AGO2: variants seen among roughly 807,000 people sequenced by gnomAD.
The protein encoded by AGO2 is protein argonaute-2.
A neutral mutation model predicts 102.3 loss-of-function variants in AGO2; 5 were observed. The observed-to-expected ratio is 0.05, with a 90% CI of 0.03 to 0.10. The LOEUF (loss-of-function observed/expected upper bound fraction) is 0.10. AGO2 is among the 10% of genes least tolerant of loss of function. The probability of loss-of-function intolerance (pLI) is 1.00; values close to 1 mark genes in which losing one functional copy is unlikely to be tolerated. For synonymous variants in AGO2, 449 were observed against 473.1 expected, an observed-to-expected ratio of 0.95 and a Z score of 0.66; for missense variants, 541 against 1,183.7, an observed-to-expected ratio of 0.46 and a Z score of 7.97.
chr8:140,621,343 A>T (rs2152107430), intron 1 of AGO2, among the ~76,000 whole-genome samples: 1 of 152,202 alleles, frequency 6.6e-6, no homozygotes, highest in South Asian at 2.1e-4. Flanking sequence ...TGCACTGGAG[A>T]CACCTGCCAT....
intron 13 of AGO2, among the ~76,000 whole-genome samples, chr8:140,546,907 C>T (rs953161233): frequency 6.6e-6 from 1 of 152,162 alleles, no homozygotes; most frequent in South Asian, 2.1e-4. Context: ...TCAGGAGGTG[C>T]CAGAGGAGGG....
At position 140,523,225 on chromosome 8, in the gene AGO2, G is replaced by C. The variant is rs1038533750; in HGVS notation, c.*8819C>G. ...ATACATAGAGTACCACCTGAAACGA[G>C]GCCCTTGGAGCTGCTCAGCTTCTTA... is the stretch of plus-strand genomic sequence containing the variant. On this transcript the variant is annotated 3_prime_UTR_variant, in exon 19 of 19. Coordinates refer to ENST00000220592, the MANE Select transcript of AGO2 (RefSeq NM_012154.5). The C allele has an allele frequency of 1.3e-5, 2 of 152,098 alleles. No individual in the cohort carries two copies. Among genetic ancestry groups the C allele is most frequent in the African/African-American group, 4.8e-5 (2 of 41,398 alleles). The allele number at this position is 152,098 out of a possible 1,614,324, so 9.4% of individuals were successfully genotyped here.
chr8:140,569,538 T>C (rs916611793), intron 3 of AGO2, among the ~76,000 whole-genome samples: 2 of 152,216 alleles, frequency 1.3e-5, no homozygotes, highest in Non-Finnish European at 2.9e-5. Context: ...AAATTTTCTA[T>C]TCAACTGAGC....
upstream of AGO2, among the ~76,000 whole-genome samples, chr8:140,638,492 C>A (rs1184502791): frequency 6.6e-6 from 1 of 152,158 alleles, no homozygotes; most frequent in East Asian, 1.9e-4. Context: ...CCTTTTTTCA[C>A]GAGGTACCTC....
rs546504120 is a variant in AGO2 at position 140,585,318 on chromosome 8, T to C, written c.23-7A>G. On this transcript the variant is annotated splice_region_variant and splice_polypyrimidine_tract_variant and intron_variant, in intron 1 of 18. Coordinates refer to ENST00000220592, the MANE Select transcript of AGO2 (RefSeq NM_012154.5). ...GGCGCAGGAGGTGCAAGTGCTGGAA[T>C]GGCAGAGAGAACACCCATTAACGGG... is the stretch of plus-strand genomic sequence containing the variant. 4 of 1,613,156 alleles carry C rather than the reference T, an allele frequency of 2.5e-6. No homozygotes were observed. In the South Asian group the frequency reaches 3.3e-5, roughly 13 times the overall value.
rs946212091 is a variant in AGO2, at chr8:140,521,683, C to G, written c.*10361G>C. 1 of 152,288 alleles carries G rather than the reference C, an allele frequency of 6.6e-6. No homozygotes were observed. Among genetic ancestry groups the G allele is most frequent in the Admixed American group, 6.5e-5 (1 of 15,288 alleles). The allele number at this position is 152,288 out of a possible 1,614,324, so 9.4% of individuals were successfully genotyped here. A position where few individuals can be genotyped will look rare whatever the true frequency, so the allele number is the denominator to read the frequency against. ...AACTTACAGGCACACAGGGCCGCTG[C>G]TGAATGCAGGCCTCTGCCTCCACAA... is the stretch of plus-strand genomic sequence containing the variant. On this transcript the variant is annotated 3_prime_UTR_variant, in exon 19 of 19. Coordinates refer to ENST00000220592, the MANE Select transcript of AGO2 (RefSeq NM_012154.5).
rs1241417553 is a variant in AGO2, at chr8:140,524,973, C to A, written c.*7071G>T. The A allele has an allele frequency of 1.3e-5, 2 of 152,226 alleles. No individual in the cohort carries two copies. Among genetic ancestry groups the A allele is most frequent in the Non-Finnish European group, 2.9e-5 (2 of 68,044 alleles). The allele number at this position is 152,226 out of a possible 1,614,324, so 9.4% of individuals were successfully genotyped here. A position where few individuals can be genotyped will look rare whatever the true frequency, so the allele number is the denominator to read the frequency against. On this transcript the variant is annotated 3_prime_UTR_variant, in exon 19 of 19. Transcript: ENST00000220592. ...AAAGAGTTAATATTTGGTGTTTTAG[C>A]TTTAACTCTGAACTACTTAAATCCA... is the stretch of plus-strand genomic sequence containing the variant.
chr8:140,636,004 G>C (rs1433370315), upstream of AGO2, among the ~76,000 whole-genome samples: 1 of 150,614 alleles, frequency 6.6e-6, no homozygotes, highest in East Asian at 2.0e-4. Context: ...GAGGAGCCGG[G>C]CCCCCCGGCT....
intron 1 of AGO2, among the ~76,000 whole-genome samples, chr8:140,603,289 C>T (rs187372401): frequency 6.6e-6 from 1 of 152,338 alleles, no homozygotes; most frequent in African/African-American, 2.4e-5. Context: ...TGCGTGGTGC[C>T]TCCACACCGG....
intron 14 of AGO2, among the ~76,000 whole-genome samples, chr8:140,542,610 C>T (rs2072820171): frequency 6.6e-6 from 1 of 151,024 alleles, no homozygotes; most frequent in African/African-American, 2.4e-5. Flanking sequence ...GCTCCAAAAG[C>T]CCAAGATATA....
chr8:140,584,304 G>A (rs755606404), intron 2 of AGO2, among the ~76,000 whole-genome samples: 1 of 152,062 alleles, frequency 6.6e-6, no homozygotes, highest in African/African-American at 2.4e-5. Flanking sequence ...CTCACCCACC[G>A]AAACACACAA....
At chr8:140,542,837 G>A (rs1327560407) in intron 14 of AGO2, among the ~76,000 whole-genome samples, 3 of 152,184 alleles carry the variant, frequency 2.0e-5, no homozygotes, top group Admixed American at 2.0e-4. Flanking sequence ...CAGAGGAAAG[G>A]GCTGAAAATG....
intron 1 of AGO2, among the ~76,000 whole-genome samples, chr8:140,616,171 C>T (rs1341794230): frequency 2.0e-5 from 3 of 152,182 alleles, no homozygotes; most frequent in African/African-American, 7.2e-5. Flanking sequence ...TCAGGGAACC[C>T]TAACCGCCAT....
chr8:140,582,162 A>T (rs1213749325), intron 2 of AGO2, among the ~76,000 whole-genome samples: 1 of 152,268 alleles, frequency 6.6e-6, no homozygotes, highest in Admixed American at 6.5e-5. Flanking sequence ...ATTGTAAAGA[A>T]CAACAAATTT....
chr8:140,558,137 C>G (rs1243562249), intron 7 of AGO2, among the ~76,000 whole-genome samples: 1 of 152,164 alleles, frequency 6.6e-6, no homozygotes, highest in Non-Finnish European at 1.5e-5. Context: ...GCGGACTGGC[C>G]CAGGGAAGGG....
At chr8:140,633,133 G>A (rs562581947) in intron 1 of AGO2, among the ~76,000 whole-genome samples, 4 of 151,966 alleles carry the variant, frequency 2.6e-5, no homozygotes, top group African/African-American at 7.3e-5. Context: ...GGATGGTCTC[G>A]ATCTCTTGAC....
At chr8:140,579,009 G>C (rs886875042) in intron 2 of AGO2, among the ~76,000 whole-genome samples, 10 of 152,094 alleles carry the variant, frequency 6.6e-5, no homozygotes, top group African/African-American at 2.4e-4. Flanking sequence ...TTCACATAAC[G>C]ATAAAGCTAA....
rs548254374 is a variant in AGO2, at chr8:140,572,947, A to G, written c.216-15T>C. The G allele has an allele frequency of 1.1e-5, 18 of 1,593,572 alleles. No individual in the cohort carries two copies. The highest frequency in any genetic ancestry group is 6.7e-5 in the East Asian group (3 of 44,534). ...CCACGATTTCCCTGAAACAAAGACA[A>G]AAGTCGGGCAAAATGTCAATAAAAT... On this transcript the variant is annotated splice_polypyrimidine_tract_variant and intron_variant, in intron 2 of 18. Coordinates refer to ENST00000220592, the MANE Select transcript of AGO2 (RefSeq NM_012154.5).
upstream of AGO2, chr8:140,636,497 A>G (rs1259764623): frequency 1.3e-5 from 2 of 152,264 alleles, no homozygotes; most frequent in Admixed American, 6.5e-5. Context: ...AGGTTGACCC[A>G]CAATCTAAAG....
Sources: allele counts gnomAD v4.1 joint callset (sites outside exome capture counted in the v4.1 genomes callset), GRCh38; gene constraint gnomAD v4.1.1; transcripts MANE v1.5; gene names NCBI Gene and HGNC (gene_info 2026-07-23, HGNC 2026-07-21).